COPG2: variants seen among roughly 807,000 people sequenced by gnomAD.
COPG2 encodes the protein coat protein complex I subunit gamma 2, also known as coatomer subunit gamma-2.
A neutral mutation model predicts 46.3 loss-of-function variants in COPG2; 37 were observed. That is an observed-to-expected ratio of 0.80 (90% CI 0.61 to 1.05). The LOEUF is 1.05. COPG2 is among the 50% of genes least tolerant of loss of function. The pLI is 0.00. For synonymous variants in COPG2, 159 were observed against 129.7 expected, an observed-to-expected ratio of 1.23 and a Z score of -1.53; for missense variants, 427 against 387.8, an observed-to-expected ratio of 1.10 and a Z score of -0.85.
At chr7:130,649,262 C>T (rs1408848140) in intron 5 of COPG2, among the ~76,000 whole-genome samples, 2 of 152,172 alleles carry the variant, frequency 1.3e-5, no homozygotes, top group Non-Finnish European at 2.9e-5. Flanking sequence ...CTTTAGAGCA[C>T]GTTTTCCTGA....
At chr7:130,511,297 A>T (rs1223618206) in intron 20 of COPG2, 1 of 400,580 alleles carries the variant, frequency 2.5e-6, no homozygotes, top group African/African-American at 2.1e-5. Context: ...AGGGCAAAAG[A>T]TTAGAAAGAA....
intron 5 of COPG2, among the ~76,000 whole-genome samples, chr7:130,649,948 A>G (rs1795704069): frequency 6.6e-6 from 1 of 152,238 alleles, no homozygotes; most frequent in African/African-American, 2.4e-5. Context: ...TTACAGTTAT[A>G]AAAGTTAGAA....
At chr7:130,635,504 G>A (rs1795318627) in intron 5 of COPG2, among the ~76,000 whole-genome samples, 1 of 151,926 alleles carries the variant, frequency 6.6e-6, no homozygotes, top group South Asian at 2.1e-4. Context: ...GCATAGAGGT[G>A]TTTATAGTAT....
chr7:130,506,707 G>C lies in COPG2; in HGVS notation c.2585C>G (p.Pro862Arg). ...AACAGAAGCTAAGATAACATCTACA[G>C]GTGTTCTCTCTTTACTTCTGACAGT... ...QVTVRSKERT[P>R]VDVILASVG The change falls in exon 24 of 24, where the codon CCT becomes CGT. Residue 862 changes from proline (P) to arginine (R), a missense_variant. Coordinates refer to ENST00000425248, the MANE Select transcript of COPG2 (RefSeq NM_012133.6). 1 of 780,390 alleles carries C rather than the reference G, an allele frequency of 1.3e-6. No individual in the cohort carries two copies. The highest frequency in any genetic ancestry group is 2.4e-6 in the Non-Finnish European group (1 of 417,664). The allele number at this position is 780,390 out of a possible 1,614,324, so 48.3% of individuals were successfully genotyped here. A position where few individuals can be genotyped will look rare whatever the true frequency, so the allele number is the denominator to read the frequency against.
At chr7:130,526,815 G>A (rs1013179024) in intron 20 of COPG2, among the ~76,000 whole-genome samples, 23 of 150,384 alleles carry the variant, frequency 1.5e-4, no homozygotes, top group Non-Finnish European at 3.0e-5. Context: ...CGGATCCGGC[G>A]GGAAAGGGTG....
chr7:130,609,848 T>C (rs1187306586), intron 9 of COPG2, among the ~76,000 whole-genome samples: 2 of 152,190 alleles, frequency 1.3e-5, no homozygotes, highest in Admixed American at 1.3e-4. Context: ...ATTTTTTTTC[T>C]AGTTTCTATT....
chr7:130,588,615 G>A (rs1251311504), intron 9 of COPG2, among the ~76,000 whole-genome samples: 2 of 152,160 alleles, frequency 1.3e-5, no homozygotes, highest in African/African-American at 4.8e-5. Flanking sequence ...ATGGACACAG[G>A]AAGGGGATCA....
At chr7:130,615,480 T>G (rs1297272976) in intron 6 of COPG2, among the ~76,000 whole-genome samples, 1 of 152,226 alleles carries the variant, frequency 6.6e-6, no homozygotes, top group Non-Finnish European at 1.5e-5. Flanking sequence ...AAGATTCTGA[T>G]AGGCCACCCC....
chr7:130,659,901 AAAC>A (rs567664692), intron 4 of COPG2, among the ~76,000 whole-genome samples: 205 of 152,282 alleles, frequency 1.3e-3, no homozygotes, highest in Middle Eastern at 6.8e-3. Flanking sequence ...GACAACTCAA[AAAC>A]AACAACAACA....
intron 5 of COPG2, among the ~76,000 whole-genome samples, chr7:130,637,601 G>T (rs1336545281): frequency 1.3e-5 from 2 of 152,028 alleles, no homozygotes; most frequent in Non-Finnish European, 2.9e-5. Context: ...TTCTAAGCTG[G>T]TTATTCTACT....
chr7:130,661,090 T>C (rs549095949), intron 4 of COPG2, among the ~76,000 whole-genome samples: 3 of 152,332 alleles, frequency 2.0e-5, no homozygotes, highest in East Asian at 3.9e-4. Flanking sequence ...GGTAATACTT[T>C]AAATTCATAA....
intron 8 of COPG2, among the ~76,000 whole-genome samples, chr7:130,611,374 A>G (rs1478145846): frequency 6.6e-6 from 1 of 152,208 alleles, no homozygotes; most frequent in African/African-American, 2.4e-5. Context: ...AGCAGGCTCA[A>G]CACTGGCTCA....
intron 4 of COPG2, among the ~76,000 whole-genome samples, chr7:130,655,662 C>T (rs1326363948): frequency 2.0e-5 from 3 of 152,038 alleles, no homozygotes; most frequent in Non-Finnish European, 1.5e-5. Context: ...AACCTCCATT[C>T]GTTTTCTCAA....
At position 130,508,648 on chromosome 7, in the gene COPG2, A is replaced by T. The variant is rs1799543946; in HGVS notation, c.2161T>A (p.Phe721Ile). Residue 721 changes from phenylalanine (F) to isoleucine (I), a missense_variant, in exon 21 of 24, where the codon TTT (phenylalanine) becomes ATT (isoleucine). Coordinates refer to ENST00000425248, the MANE Select transcript of COPG2 (RefSeq NM_012133.6). ...DDDPTAVAGS[F>I]SCTMKFTVRD... ...ACTGTAAACTTCATGGTGCAGCTAA[A>T]GGAGCCTGCAACTGGAGGAGAAGGG... 1 of 766,964 alleles carries T rather than the reference A, an allele frequency of 1.3e-6. No individual in the cohort carries two copies. Among genetic ancestry groups the T allele is most frequent in the South Asian group, 1.4e-5 (1 of 71,436 alleles). 47.5% of individuals were successfully genotyped at this position (766,964 alleles called of 1,614,324 possible). A position where few individuals can be genotyped will look rare whatever the true frequency, so the allele number is the denominator to read the frequency against.
intron 9 of COPG2, among the ~76,000 whole-genome samples, chr7:130,568,989 A>G (rs1793850842): frequency 6.6e-6 from 1 of 152,204 alleles, no homozygotes; most frequent in Non-Finnish European, 1.5e-5. Flanking sequence ...ATCAAGATGG[A>G]AATTAAAAAA....
intron 4 of COPG2, among the ~76,000 whole-genome samples, chr7:130,657,014 T>C (rs1416516412): frequency 4.7e-5 from 7 of 150,170 alleles, no homozygotes; most frequent in South Asian, 2.1e-4. Context: ...ATATATAATA[T>C]AGATATTTAA....
chr7:130,624,761 G>T (rs1380499787), intron 5 of COPG2, among the ~76,000 whole-genome samples: 8 of 152,046 alleles, frequency 5.3e-5, no homozygotes, highest in African/African-American at 1.9e-4. Context: ...CCTTTTTATG[G>T]CTGTATTCCA....
chr7:130,527,322 T>C (rs916036573), intron 20 of COPG2, among the ~76,000 whole-genome samples: 189 of 148,994 alleles, frequency 1.3e-3, no homozygotes, highest in African/African-American at 4.6e-3. Context: ...CTGGCATACA[T>C]GGGGGTAAGG....
At chr7:130,640,158 CTTT>C (rs11431866) in intron 5 of COPG2, among the ~76,000 whole-genome samples, 335 of 96,450 alleles carry the variant, frequency 3.5e-3, no homozygotes, top group African/African-American at 0.011. Flanking sequence ...CACCACCAAC[CTTT>C]TTTTTTTTTT....
Sources: gnomAD v4.1 joint callset for allele counts (sites outside exome capture counted in the v4.1 genomes callset) on GRCh38, gnomAD v4.1.1 for gene constraint, MANE v1.5 for transcripts, NCBI Gene and HGNC (gene_info 2026-07-23, HGNC 2026-07-21) for gene names.